Variants in MON2 observed in about 807,000 individuals in gnomAD.
The protein encoded by MON2 is MON2 regulator of endosome-to-Golgi trafficking, also known as protein MON2 homolog.
MON2 carries 84 observed loss-of-function variants against 208.6 expected under a neutral mutation model. The ratio of observed to expected loss-of-function variants is 0.40; its 90% confidence interval spans 0.34 to 0.48. MON2 has a LOEUF of 0.48. Ranked by LOEUF, MON2 falls within the 20% of genes least tolerant of loss-of-function variation. The pLI is 0.59. For missense variants in MON2, 1,611 were observed against 2,015.4 expected (o/e 0.80, Z 3.84); for synonymous variants, 660 against 694.0 (o/e 0.95, Z 0.77).
At chr12:62,548,058 T>A (rs1377945925) in intron 22 of MON2, among the ~76,000 whole-genome samples, 3 of 152,092 alleles carry the variant, frequency 2.0e-5, no homozygotes, top group Non-Finnish European at 2.9e-5. Flanking sequence ...ATGAAGGAGA[T>A]CTTATATGGT....
At chr12:62,548,779 T>C (rs1004330629) in intron 22 of MON2, among the ~76,000 whole-genome samples, 13 of 152,192 alleles carry the variant, frequency 8.5e-5, no homozygotes, top group Admixed American at 7.9e-4. Context: ...ATTATACTTA[T>C]CATTTTCATT....
Position 62,594,728 on chromosome 12 carries a change from T to C in MON2, c.*1979T>C, listed in dbSNP as rs2075486703. 6.6e-6 allele frequency: 1 copy of C among 152,270 alleles called. No individual in the cohort carries two copies. Among genetic ancestry groups the C allele is most frequent in the African/African-American group, 2.4e-5 (1 of 41,474 alleles). 9.4% of individuals were successfully genotyped at this position (152,270 alleles called of 1,614,324 possible). The stretch of plus-strand genomic sequence containing the variant: ...CAAGTGTATGCAATATACATTTATA[T>C]GAACCAAAGCTTGCTTTATCAGGAC... On this transcript the variant is annotated 3_prime_UTR_variant, in exon 35 of 35. Coordinates refer to ENST00000393630, the MANE Select transcript of MON2 (RefSeq NM_015026.3).
chr12:62,503,696 C>G (rs1226685477), intron 7 of MON2, among the ~76,000 whole-genome samples: 1 of 152,194 alleles, frequency 6.6e-6, no homozygotes, highest in Non-Finnish European at 1.5e-5. Flanking sequence ...CACCCTTTGG[C>G]CACACTGTCC....
intron 12 of MON2, among the ~76,000 whole-genome samples, chr12:62,534,543 A>ATATATATATATATATAT (rs2072849725): frequency 5.9e-4 from 13 of 21,896 alleles, no homozygotes; most frequent in African/African-American, 2.3e-3. Context: ...AAAAAAAAAA[A>ATATATATATATATATAT]TATATATATA....
At chr12:62,557,924 A>AGATT (rs1428877945) in intron 25 of MON2, among the ~76,000 whole-genome samples, 2 of 90,912 alleles carry the variant, frequency 2.2e-5, no homozygotes, top group African/African-American at 1.0e-4. Flanking sequence ...GAGAACGAAT[A>AGATT]GATTTATATA....
intron 12 of MON2, among the ~76,000 whole-genome samples, chr12:62,534,542 A>AATATATATATATATATATATATATT (rs2072846021): frequency 1.8e-4 from 4 of 22,850 alleles, no homozygotes; most frequent in African/African-American, 7.8e-4. Flanking sequence ...AAAAAAAAAA[A>AATATATATATATATATATATATATT]ATATATATAT....
At chr12:62,518,960 T>A (rs1565639189) in intron 8 of MON2, among the ~76,000 whole-genome samples, 1 of 152,216 alleles carries the variant, frequency 6.6e-6, no homozygotes, top group Non-Finnish European at 1.5e-5. Flanking sequence ...TATATATGGT[T>A]GATGTGTGAT....
intron 8 of MON2, among the ~76,000 whole-genome samples, chr12:62,510,343 A>AG (rs769882485): frequency 3.9e-5 from 6 of 152,128 alleles, no homozygotes; most frequent in Non-Finnish European, 7.4e-5. Flanking sequence ...GGAAAAAAAA[A>AG]CAGATCAAGC....
In MON2 at chr12:62,533,793, C is replaced by T. The variant is rs999431957; in HGVS notation, c.1634-1052C>T. Among the ~76,000 whole-genome samples the T allele has an allele frequency of 2.0e-5, 3 of 152,282 alleles. No homozygotes were observed. The South Asian group carries it at 6.2e-4, about 32-fold the overall frequency. On this transcript the variant is annotated intron_variant, in intron 12 of 34. Transcript: ENST00000393630. ...ACATACACACACCCCCACACACAAG[C>T]ACACGTCTCTGTACATTTCTAAAAT... is the stretch of plus-strand genomic sequence containing the variant.
chr12:62,572,515 A>G (rs1000560307), intron 30 of MON2, among the ~76,000 whole-genome samples: 3 of 152,180 alleles, frequency 2.0e-5, no homozygotes, highest in Admixed American at 1.3e-4. Context: ...GTGTGATCAC[A>G]GCTCACTGCA....
intron 4 of MON2, among the ~76,000 whole-genome samples, chr12:62,497,522 G>A (rs1015476855): frequency 1.3e-5 from 2 of 152,224 alleles, no homozygotes; most frequent in African/African-American, 4.8e-5. Flanking sequence ...CGTACCAAGT[G>A]TTATGGAGGC....
In MON2 at chr12:62,578,511, G is replaced by A. The variant is rs1001386533; in HGVS notation, c.4575+6G>A. Reference sequence around the variant, plus strand: ...ATGAAAATATTGATGTCGAGGTAAGGAGGCTATTTAAAATGTTTTCCTGTG... The same window carrying A: ...ATGAAAATATTGATGTCGAGGTAAGAAGGCTATTTAAAATGTTTTCCTGTG... On this transcript the variant is annotated splice_donor_region_variant and intron_variant, in intron 31 of 34. Transcript: ENST00000393630. 1.3e-6 allele frequency: 2 copies of A among 1,490,878 alleles called. No homozygotes were observed. Among genetic ancestry groups the A allele is most frequent in the South Asian group, 2.5e-5 (2 of 80,384 alleles). 92.4% of individuals were successfully genotyped at this position (1,490,878 alleles called of 1,614,324 possible).
chr12:62,530,435 G>A (rs2072577641), intron 11 of MON2, among the ~76,000 whole-genome samples: 1 of 152,056 alleles, frequency 6.6e-6, no homozygotes, highest in East Asian at 1.9e-4. Flanking sequence ...GTTTCACCGT[G>A]TTAGCCAGGA....
At chr12:62,581,569 A>G (rs1035304680) in intron 32 of MON2, among the ~76,000 whole-genome samples, 2 of 151,996 alleles carry the variant, frequency 1.3e-5, no homozygotes, top group Non-Finnish European at 2.9e-5. Context: ...ATATATATGT[A>G]TATATGATTT....
rs374317455 is a variant in MON2 at position 62,508,384 on chromosome 12, A to G, written c.888A>G (p.Ser296=). 3.1e-6 allele frequency: 5 copies of G among 1,613,856 alleles called. No homozygotes were observed. The highest frequency in any genetic ancestry group is 3.4e-6 in the Non-Finnish European group (4 of 1,179,844). The stretch of plus-strand genomic sequence containing the variant: ...AGTTCAGACAAGGTTCCAGCACCTC[A>G]TCTTCTCCAGCACCAGTTGAAAAAC... ...NIKFRQGSST[S]SSPAPVEKPY... Residue 296 remains serine (S), a synonymous_variant, in exon 8 of 35, where the codon TCA becomes TCG. Coordinates refer to ENST00000393630, the MANE Select transcript of MON2 (RefSeq NM_015026.3).
At chr12:62,469,305 C>A (rs138959610) in intron 1 of MON2, among the ~76,000 whole-genome samples, 8 of 152,190 alleles carry the variant, frequency 5.3e-5, no homozygotes, top group African/African-American at 1.7e-4. Flanking sequence ...GTGATTGTGC[C>A]ACTGTACTCC....
At position 62,495,093 on chromosome 12, in the gene MON2, A is replaced by G. The variant is rs2070395541; in HGVS notation, c.381A>G (p.Thr127=). 1 of 1,612,668 alleles carries G rather than the reference A, an allele frequency of 6.2e-7. No individual in the cohort carries two copies. The highest frequency in any genetic ancestry group is 1.3e-5 in the African/African-American group (1 of 74,930). ...TTGAAGAACTTAAGCTACTTCAAAC[A>G]GTTCTTGTTCTTTTAACAACCAATA... is the stretch of plus-strand genomic sequence containing the variant. ...NSLEELKLLQ[T]VLVLLTTNTV... The change falls in exon 4 of 35, where the codon ACA becomes ACG. Residue 127 remains threonine, a synonymous_variant. Coordinates refer to ENST00000393630, the MANE Select transcript of MON2 (RefSeq NM_015026.3).
At chr12:62,508,239 A>G (rs2071204393) in intron 7 of MON2, 47 bp from the exon 8 acceptor site, 1 of 1,476,000 alleles carries the variant, frequency 6.8e-7, no homozygotes, top group Non-Finnish European at 9.4e-7. Context: ...AGTATTAAGT[A>G]CAAATAAAGT....
At chr12:62,523,966 A>G (rs936596893) in intron 8 of MON2, among the ~76,000 whole-genome samples, 10 of 152,152 alleles carry the variant, frequency 6.6e-5, no homozygotes, top group African/African-American at 2.2e-4. Flanking sequence ...ATTAGCAACA[A>G]CAGTAATGAT....
Sources: gnomAD v4.1 joint callset for allele counts (sites outside exome capture counted in the v4.1 genomes callset) on GRCh38, gnomAD v4.1.1 for gene constraint, MANE v1.5 for transcripts, NCBI Gene and HGNC (gene_info 2026-07-23, HGNC 2026-07-21) for gene names.